ALDH1A2: variants seen among roughly 807,000 people sequenced by gnomAD.
ALDH1A2 encodes the protein retinal dehydrogenase 2.
ALDH1A2 carries 27 observed loss-of-function variants against 60.3 expected under a neutral mutation model. The observed-to-expected ratio is 0.45, with a 90% CI of 0.33 to 0.62. The LOEUF (loss-of-function observed/expected upper bound fraction) is 0.62, where lower values mean the gene tolerates loss of function less well. Ranked by LOEUF, ALDH1A2 falls within the 20% of genes least tolerant of loss-of-function variation. The pLI is 0.02. For synonymous variants in ALDH1A2, 289 were observed against 232.4 expected (o/e 1.24, Z -2.21); for missense variants, 581 against 643.8 (o/e 0.90, Z 1.06).
chr15:57,997,636 G>T (rs778429531), intron 4 of ALDH1A2, among the ~76,000 whole-genome samples: 2 of 151,952 alleles, frequency 1.3e-5, no homozygotes, highest in African/African-American at 2.4e-5. Context: ...ATGATGCTTA[G>T]ACATTTAGTT....
chr15:57,961,844 G>C (rs1441183586), intron 10 of ALDH1A2, among the ~76,000 whole-genome samples, 168 bp downstream of exon 10: 4 of 152,060 alleles, frequency 2.6e-5, no homozygotes, highest in African/African-American at 9.7e-5. Flanking sequence ...TTGTCTTTTG[G>C]TTTATTTTTC....
chr15:58,046,164 C>T (rs1274072655), intron 1 of ALDH1A2, among the ~76,000 whole-genome samples: 4 of 152,004 alleles, frequency 2.6e-5, no homozygotes, highest in Non-Finnish European at 5.9e-5. Flanking sequence ...AGATATCTCA[C>T]GGTCTCCAAG....
intron 7 of ALDH1A2, chr15:57,980,237 T>C: frequency 3.0e-6 from 1 of 337,938 alleles, no homozygotes. Flanking sequence ...CACCCCGCTC[T>C]GCGGCCTCTT....
At chr15:58,042,612 G>C (rs1896547211) in intron 1 of ALDH1A2, among the ~76,000 whole-genome samples, 6 of 151,890 alleles carry the variant, frequency 4.0e-5, no homozygotes, top group Admixed American at 3.9e-4. Flanking sequence ...CAGAAAAGCT[G>C]TCTCTCAATC....
chr15:58,018,277 A>G (rs1201939406), intron 1 of ALDH1A2, among the ~76,000 whole-genome samples: 1 of 152,208 alleles, frequency 6.6e-6, no homozygotes, highest in African/African-American at 2.4e-5. Flanking sequence ...AATGCTGGTA[A>G]TAGATTATGA....
At chr15:58,058,605 GGAAA>G (rs1289769001) in intron 1 of ALDH1A2, among the ~76,000 whole-genome samples, 2 of 151,834 alleles carry the variant, frequency 1.3e-5, no homozygotes, top group African/African-American at 4.8e-5. Context: ...AATCAAGATT[GGAAA>G]GAGTTTTCAG....
Position 58,054,134 on chromosome 15 carries a change from A to G in ALDH1A2, c.117+11400T>C, listed in dbSNP as rs137906666. Among the ~76,000 whole-genome samples the G allele has an allele frequency of 4.3e-3, 653 of 152,242 alleles. 9 individuals carry two copies. The highest frequency in any genetic ancestry group is 0.015 in the African/African-American group (609 of 41,556). ...CAAAGGTTCCCAGGCATAACTAACC[A>G]TTTCATGCAAACAGGTAAATGAGTC... On this transcript the variant is annotated intron_variant, in intron 1 of 12. Transcript: ENST00000249750.
At chr15:57,955,650 C>T (rs934709041) in intron 12 of ALDH1A2, among the ~76,000 whole-genome samples, 2 of 152,176 alleles carry the variant, frequency 1.3e-5, no homozygotes, top group Non-Finnish European at 2.9e-5. Context: ...CTGTGGGCAG[C>T]GGTGGGACCA....
chr15:57,965,940 A>T, intron 7 of ALDH1A2, 113 bp from the exon 8 acceptor site: 1 of 784,672 alleles, frequency 1.3e-6, no homozygotes, highest in South Asian at 1.4e-5. Flanking sequence ...CCTAAAAGGC[A>T]AGCCAACCCA....
rs1352887824 is a variant in ALDH1A2, at chr15:57,954,719, A to C, written c.*478T>G. The C allele has an allele frequency of 3.1e-5, 6 of 191,562 alleles. No individual in the cohort carries two copies. Among genetic ancestry groups the C allele is most frequent in the Non-Finnish European group, 6.7e-5 (6 of 89,520 alleles). The allele number at this position is 191,562 out of a possible 1,614,324, so 11.9% of individuals were successfully genotyped here. ...TGATAATTTGGCTTTACAACCTTGA[A>C]AAATTGTTCCCGGCCCAAACATCTG... On this transcript the variant is annotated 3_prime_UTR_variant, in exon 13 of 13. Transcript: ENST00000249750.
chr15:58,057,451 A>T (rs1445967423), intron 1 of ALDH1A2, among the ~76,000 whole-genome samples: 3 of 152,196 alleles, frequency 2.0e-5, no homozygotes, highest in African/African-American at 7.2e-5. Context: ...AGAGAAAGAA[A>T]GAAATGGGGG....
intron 7 of ALDH1A2, among the ~76,000 whole-genome samples, chr15:57,967,385 C>G (rs1159032626): frequency 6.6e-6 from 1 of 152,128 alleles, no homozygotes; most frequent in African/African-American, 2.4e-5. Context: ...TAACCATGAG[C>G]AAGTGTGAGA....
rs192443921 is a variant in ALDH1A2 at position 57,972,488 on chromosome 15, C to T, written c.799-6661G>A. 1.6e-3 allele frequency among the ~76,000 whole-genome samples: 250 copies of T among 152,320 alleles called. 1 individual carries two copies. Among genetic ancestry groups the T allele is most frequent in the Admixed American group, 0.011 (162 of 15,304 alleles). On this transcript the variant is annotated intron_variant, in intron 7 of 12. Transcript: ENST00000249750. ...ATGGAGTAGTCAAGCCAAAAGTACTCTATGTCCCATTAACTAGGTGAGCTA... is the reference window on the plus strand; with the variant it reads ...ATGGAGTAGTCAAGCCAAAAGTACTTTATGTCCCATTAACTAGGTGAGCTA...
At chr15:58,013,579 C>T (rs974545960) in intron 3 of ALDH1A2, among the ~76,000 whole-genome samples, 1 of 152,138 alleles carries the variant, frequency 6.6e-6, no homozygotes, top group South Asian at 2.1e-4. Context: ...TAGTGAAACC[C>T]CGTCTCTACT....
chr15:57,983,123 G>T (rs552876993), intron 7 of ALDH1A2, among the ~76,000 whole-genome samples: 1 of 152,262 alleles, frequency 6.6e-6, no homozygotes, highest in Non-Finnish European at 1.5e-5. Flanking sequence ...ACTGTTAAAA[G>T]TACAACTGCA....
At chr15:58,061,018 CTCACAAAACAG>C (rs1339015503) in intron 1 of ALDH1A2, among the ~76,000 whole-genome samples, 2 of 152,130 alleles carry the variant, frequency 1.3e-5, no homozygotes, top group Non-Finnish European at 2.9e-5. Flanking sequence ...GAAGTCAGAC[CTCACAAAACAG>C]TCTCCTCAGA....
intron 4 of ALDH1A2, among the ~76,000 whole-genome samples, chr15:57,997,718 A>G (rs1895112975): frequency 6.6e-6 from 1 of 151,954 alleles, no homozygotes; most frequent in Non-Finnish European, 1.5e-5. Context: ...AAATCTTAAA[A>G]GTCGGACCTC....
intron 7 of ALDH1A2, among the ~76,000 whole-genome samples, chr15:57,982,212 A>G (rs1216050759): frequency 6.6e-6 from 1 of 152,232 alleles, no homozygotes; most frequent in Non-Finnish European, 1.5e-5. Context: ...TCCATGAGGT[A>G]GGTACAATCA....
At chr15:58,014,125 C>T (rs1461060580) in intron 2 of ALDH1A2, 52 bp downstream of exon 2, 2 of 1,613,934 alleles carry the variant, frequency 1.2e-6, no homozygotes, top group Admixed American at 1.7e-5. Context: ...TGCTGCTCTG[C>T]TGTTTGAAGG....
Sources: gnomAD v4.1 joint callset for allele counts (sites outside exome capture counted in the v4.1 genomes callset) on GRCh38, gnomAD v4.1.1 for gene constraint, MANE v1.5 for transcripts, NCBI Gene and HGNC (gene_info 2026-07-23, HGNC 2026-07-21) for gene names.